VASH2: variants seen among roughly 807,000 people sequenced by gnomAD.
VASH2 encodes vasohibin 2.
In VASH2, 28 loss-of-function variants were observed where a neutral mutation model predicts 37.2. The ratio of observed to expected loss-of-function variants is 0.75; its 90% CI spans 0.56 to 1.03. The LOEUF (loss-of-function observed/expected upper bound fraction) is 1.03, where lower values mean the gene tolerates loss of function less well. Ranked by LOEUF, VASH2 falls within the 50% of genes least tolerant of loss-of-function variation. The pLI is 0.00. For synonymous variants in VASH2, 188 were observed against 174.7 expected (o/e 1.08, Z -0.60); for missense variants, 419 against 459.1 (o/e 0.91, Z 0.80).
At chr1:212,957,566 C>T (rs1306493884) in intron 2 of VASH2, among the ~76,000 whole-genome samples, 1 of 152,088 alleles carries the variant, frequency 6.6e-6, no homozygotes, top group African/African-American at 2.4e-5. Flanking sequence ...TCAGGTTTCC[C>T]CAGCCTAGAC....
intron 7 of VASH2, among the ~76,000 whole-genome samples, chr1:212,979,390 C>A (rs949479466): frequency 1.3e-5 from 2 of 152,200 alleles, no homozygotes; most frequent in Non-Finnish European, 2.9e-5. Context: ...GTCAGCATTA[C>A]ATAAGGCCAT....
intron 7 of VASH2, among the ~76,000 whole-genome samples, chr1:212,981,553 G>T (rs1667339518): frequency 6.6e-6 from 1 of 152,224 alleles, no homozygotes; most frequent in African/African-American, 2.4e-5. Context: ...TGGGCCAAGA[G>T]CACCCCTGGT....
At chr1:212,973,499 A>G (rs1184122278) in intron 6 of VASH2, 3 of 1,290,728 alleles carry the variant, frequency 2.3e-6, no homozygotes, top group Middle Eastern at 4.3e-4. Flanking sequence ...TGGACTTGTC[A>G]TCTTCACTCT....
At position 212,990,026 on chromosome 1, in the gene VASH2, GCTTT is replaced by G. The variant is rs2075842949; in HGVS notation, c.*1447_*1450del. 3 of 151,768 alleles carry G rather than the reference GCTTT, an allele frequency of 2.0e-5. No homozygotes were observed. The highest frequency in any genetic ancestry group is 6.6e-5 in the Admixed American group (1 of 15,228). The allele number at this position is 151,768 out of a possible 1,614,324, so 9.4% of individuals were successfully genotyped here. The stretch of plus-strand genomic sequence containing the variant: ...TTTCAGTCTCAGTGCATCTCCTCTG[GCTTT>G]CTTTGACTGAAGGTGTTTATAGGAA... On this transcript the variant is annotated 3_prime_UTR_variant, in exon 8 of 8. Coordinates refer to ENST00000517399, the MANE Select transcript of VASH2 (RefSeq NM_001301056.2).
chr1:212,955,529 G>A (rs187025816), intron 2 of VASH2, among the ~76,000 whole-genome samples: 172 of 152,254 alleles, frequency 1.1e-3, no homozygotes, highest in African/African-American at 3.2e-3. Flanking sequence ...AGAGAGAGTG[G>A]CCAGCCCAGA....
At chr1:212,955,235 T>A (rs992343517) in intron 2 of VASH2, among the ~76,000 whole-genome samples, 3 of 149,306 alleles carry the variant, frequency 2.0e-5, no homozygotes, top group African/African-American at 7.4e-5. Flanking sequence ...ATGGGGGAGG[T>A]TTTCAAGGGC....
At chr1:212,960,582 G>T (rs1419205834) in intron 2 of VASH2, among the ~76,000 whole-genome samples, 2 of 152,196 alleles carry the variant, frequency 1.3e-5, no homozygotes, top group African/African-American at 2.4e-5. Context: ...TAGAGATGGG[G>T]TTTCACCATG....
chr1:212,964,781 T>A (rs922462728), intron 3 of VASH2, among the ~76,000 whole-genome samples: 5 of 152,126 alleles, frequency 3.3e-5, no homozygotes, highest in African/African-American at 1.2e-4. Flanking sequence ...CTTCCATCCG[T>A]CCCCATCCAC....
At chr1:212,980,494 C>T (rs969442794) in intron 7 of VASH2, among the ~76,000 whole-genome samples, 3 of 152,106 alleles carry the variant, frequency 2.0e-5, no homozygotes, top group Non-Finnish European at 4.4e-5. Flanking sequence ...GTTCATGGCT[C>T]CAGCGGGCTC....
chr1:212,962,901 C>T (rs891518333), intron 3 of VASH2, among the ~76,000 whole-genome samples: 2 of 152,138 alleles, frequency 1.3e-5, no homozygotes, highest in East Asian at 3.9e-4. Flanking sequence ...ACCCCAAGAG[C>T]TGGCCCTTTC....
At chr1:212,987,304 G>A (rs1456518931) in intron 7 of VASH2, among the ~76,000 whole-genome samples, 15 of 150,684 alleles carry the variant, frequency 1.0e-4, no homozygotes, top group Non-Finnish European at 1.6e-4. Flanking sequence ...GGCTGGGTGC[G>A]GTGGCTCACA....
intron 2 of VASH2, among the ~76,000 whole-genome samples, chr1:212,956,165 A>G (rs1188517805): frequency 6.6e-6 from 1 of 152,174 alleles, no homozygotes; most frequent in East Asian, 1.9e-4. Flanking sequence ...CAGTTACACA[A>G]CTGTCCATCC....
At chr1:212,976,864 G>A (rs374901164) in intron 7 of VASH2, among the ~76,000 whole-genome samples, 11 of 152,336 alleles carry the variant, frequency 7.2e-5, no homozygotes, top group Middle Eastern at 3.4e-3. Flanking sequence ...AGGAAGACCT[G>A]CAGGAAGAGG....
intron 5 of VASH2, chr1:212,969,025 C>G: frequency 3.0e-6 from 3 of 985,438 alleles, no homozygotes; most frequent in Non-Finnish European, 3.6e-6. Flanking sequence ...CAGGAACAGC[C>G]TTTGAGCCTG....
At chr1:212,966,154 C>A in intron 4 of VASH2, 117 bp from the exon 5 acceptor site, 1 of 863,678 alleles carries the variant, frequency 1.2e-6, no homozygotes, top group Non-Finnish European at 1.9e-6. Context: ...TCTCCCTTTT[C>A]CCTCCGTGCT....
At position 212,972,580 on chromosome 1, in the gene VASH2, C is replaced by T. The variant is rs1324925371; in HGVS notation, c.498C>T (p.Ile166=). Residue 166 remains isoleucine (I), a splice_region_variant and synonymous_variant, in exon 6 of 8, where the codon ATC becomes ATT. Transcript: ENST00000517399. ...TCTTCCTTGACTCAGATTGTCTAAGCTACTTAACCAATGGGCAGCCTTCCA... is the reference window on the plus strand; with the variant it reads ...TCTTCCTTGACTCAGATTGTCTAAGTTACTTAACCAATGGGCAGCCTTCCA... ...IKCLEAVILG[I]YLTNGQPSIE... 4 of 1,611,738 alleles carry T rather than the reference C, an allele frequency of 2.5e-6. No homozygotes were observed. The African/African-American group carries it at 4.0e-5, about 16-fold the overall frequency.
At chr1:212,964,922 GTTTT>G (rs754917916) in intron 3 of VASH2, among the ~76,000 whole-genome samples, 3 of 138,054 alleles carry the variant, frequency 2.2e-5, no homozygotes, top group African/African-American at 2.6e-5. Flanking sequence ...TTTCTGCCAG[GTTTT>G]TTTTTTTTTT....
intron 7 of VASH2, among the ~76,000 whole-genome samples, chr1:212,979,264 C>T (rs1348934181): frequency 2.0e-5 from 3 of 152,130 alleles, no homozygotes; most frequent in South Asian, 2.1e-4. Context: ...TTGCTTTTGG[C>T]GAGGAAATGA....
intron 7 of VASH2, chr1:212,975,054 G>A (rs895440307): frequency 6.6e-6 from 1 of 152,246 alleles, no homozygotes; most frequent in Admixed American, 6.5e-5. Flanking sequence ...TGTACAGTGA[G>A]CAGGGAACAT....
Sources: gnomAD v4.1 joint callset for allele counts (sites outside exome capture counted in the v4.1 genomes callset) on GRCh38, gnomAD v4.1.1 for gene constraint, MANE v1.5 for transcripts, NCBI Gene and HGNC (gene_info 2026-07-23, HGNC 2026-07-21) for gene names.